The following VRK2 variants were observed in gnomAD, a reference collection of about 807,000 sequenced individuals.
VRK2 encodes VRK serine/threonine kinase 2, also known as serine/threonine-protein kinase VRK2.
VRK2 carries 60 observed loss-of-function variants against 57.6 expected under a neutral mutation model. The ratio of observed to expected loss-of-function variants is 1.04; its 90% CI spans 0.85 to 1.29. VRK2 has a LOEUF of 1.29. Ranked by LOEUF, VRK2 falls within the 50% of genes most tolerant of loss-of-function variation. The probability of loss-of-function intolerance (pLI) is 0.00; values close to 1 mark genes in which losing one functional copy is unlikely to be tolerated. For synonymous variants in VRK2, 231 were observed against 199.2 expected (o/e 1.16, Z -1.35); for missense variants, 705 against 588.1 (o/e 1.20, Z -2.06).
intron 1 of VRK2, among the ~76,000 whole-genome samples, chr2:57,952,271 C>T (rs1396008026): frequency 6.6e-6 from 1 of 152,008 alleles, no homozygotes; most frequent in Non-Finnish European, 1.5e-5. Context: ...ACCCACAACA[C>T]CTCCAAGGTA....
chr2:58,046,738 G>T, upstream of VRK2: 1 of 985,546 alleles, frequency 1.0e-6, no homozygotes, highest in Non-Finnish European at 1.2e-6. Context: ...AGTTAGGCAG[G>T]TCCTAGGGAG....
At chr2:57,942,876 T>C (rs934120207) in intron 1 of VRK2, among the ~76,000 whole-genome samples, 1 of 152,206 alleles carries the variant, frequency 6.6e-6, no homozygotes, top group African/African-American at 2.4e-5. Flanking sequence ...ATATCTCTTG[T>C]AGATCCATTA....
chr2:58,063,747 C>G (rs942014392), intron 2 of VRK2, among the ~76,000 whole-genome samples: 2 of 152,054 alleles, frequency 1.3e-5, no homozygotes, highest in African/African-American at 4.8e-5. Context: ...TTAAGAAATA[C>G]ATTTCGTAAG....
chr2:58,030,675 C>T (rs999548304), intron 2 of VRK2, among the ~76,000 whole-genome samples: 1 of 151,916 alleles, frequency 6.6e-6, no homozygotes, highest in Non-Finnish European at 1.5e-5. Context: ...TTTCATAATA[C>T]CCAGAGGTGG....
chr2:57,929,198 C>T (rs1351961299), intron 1 of VRK2, among the ~76,000 whole-genome samples: 1 of 152,214 alleles, frequency 6.6e-6, no homozygotes, highest in Admixed American at 6.5e-5. Flanking sequence ...GGAGCCAGGA[C>T]TTGGAGTCAA....
intron 1 of VRK2, among the ~76,000 whole-genome samples, chr2:58,023,298 G>A (rs74563533): frequency 0.069 from 10,535 of 152,162 alleles, 443 homozygotes; most frequent in Non-Finnish European, 0.094. Context: ...GTTGTAGTAC[G>A]TATCAGAATT....
rs1043505121 is a variant in VRK2 at position 58,021,117 on chromosome 2, T to C, written c.-438-4548T>C. Among the ~76,000 whole-genome samples the C allele has an allele frequency of 3.3e-5, 5 of 152,344 alleles. No individual in the cohort carries two copies. The East Asian group carries it at 5.8e-4, about 18-fold the overall frequency. The stretch of plus-strand genomic sequence containing the variant: ...ATTTTGGAAGAGCTAAACAGCTCTA[T>C]TGTGATATGAAAACATCTTCAACTA... On this transcript the variant is annotated intron_variant, in intron 1 of 15. Coordinates refer to the VRK2 transcript ENST00000417641.
intron 1 of VRK2, among the ~76,000 whole-genome samples, chr2:58,012,576 G>C (rs1047969028): frequency 6.6e-6 from 1 of 152,212 alleles, no homozygotes; most frequent in Non-Finnish European, 1.5e-5. Context: ...TGGGGGGATA[G>C]GGCTGAAAGT....
At chr2:58,086,769 T>C (rs921353480) in intron 5 of VRK2, among the ~76,000 whole-genome samples, 6 of 152,214 alleles carry the variant, frequency 3.9e-5, no homozygotes, top group African/African-American at 1.4e-4. Context: ...GCCTTCTTAC[T>C]TCCTGATCAT....
At chr2:58,086,687 C>A (rs899180091) in intron 5 of VRK2, among the ~76,000 whole-genome samples, 2 of 152,130 alleles carry the variant, frequency 1.3e-5, no homozygotes, top group African/African-American at 2.4e-5. Flanking sequence ...TATTTGTTTT[C>A]AGGGTTCCTC....
At chr2:58,125,532 T>C (rs1678209645) in intron 8 of VRK2, among the ~76,000 whole-genome samples, 1 of 152,066 alleles carries the variant, frequency 6.6e-6, no homozygotes, top group Non-Finnish European at 1.5e-5. Context: ...GGGAGGTATA[T>C]TCAGGGAAGA....
At chr2:58,086,778 A>G (rs1300511067) in intron 5 of VRK2, among the ~76,000 whole-genome samples, 1 of 152,196 alleles carries the variant, frequency 6.6e-6, no homozygotes. Context: ...CTTCCTGATC[A>G]TGTGGGTCTT....
chr2:58,059,797 A>G (rs1365602528), intron 2 of VRK2, among the ~76,000 whole-genome samples: 2 of 151,934 alleles, frequency 1.3e-5, no homozygotes, highest in South Asian at 2.1e-4. Flanking sequence ...AGCTATTACA[A>G]TGCAAGATTT....
At chr2:58,095,447 C>T (rs1034036632) in intron 7 of VRK2, among the ~76,000 whole-genome samples, 1 of 151,998 alleles carries the variant, frequency 6.6e-6, no homozygotes, top group East Asian at 1.9e-4. Context: ...TGCATTAGGT[C>T]ATTAGGATTA....
intron 1 of VRK2, among the ~76,000 whole-genome samples, chr2:58,000,090 C>T: frequency 6.6e-6 from 1 of 152,108 alleles, no homozygotes; most frequent in African/African-American, 2.4e-5. Context: ...CTAGCTTTTC[C>T]CCCATGCATT....
chr2:57,986,380 T>C (rs1262001279), intron 1 of VRK2, among the ~76,000 whole-genome samples: 2 of 152,128 alleles, frequency 1.3e-5, no homozygotes, highest in Non-Finnish European at 2.9e-5. Context: ...ACATTTCCAA[T>C]CAAAATTCCA....
chr2:58,107,824 ATGTTTTTCT>A (rs1380296385), intron 7 of VRK2, among the ~76,000 whole-genome samples: 1 of 152,058 alleles, frequency 6.6e-6, no homozygotes, highest in African/African-American at 2.4e-5. Flanking sequence ...CCAGCTCCAA[ATGTTTTTCT>A]CCCTGTCTTC....
chr2:57,924,865 T>A (rs1670479819), intron 1 of VRK2, among the ~76,000 whole-genome samples: 1 of 152,036 alleles, frequency 6.6e-6, no homozygotes, highest in Admixed American at 6.6e-5. Flanking sequence ...TTTATTATGT[T>A]AAGGTATGTT....
rs746169386 is a variant in VRK2, at chr2:58,146,434, A to G, written c.1142A>G (p.Glu381Gly). 9 of 1,611,568 alleles carry G rather than the reference A, an allele frequency of 5.6e-6. No individual in the cohort carries two copies. In the South Asian group the frequency reaches 8.8e-5, roughly 16 times the overall value. ...ESCATWKVQK[E>G]EKLIGLMNNE... Reference sequence around the variant, plus strand: ...TGTGCAACATGGAAAGTGCAGAAAGAGGAGAAACTGATTGGATTGATGAAC... The same window carrying G: ...TGTGCAACATGGAAAGTGCAGAAAGGGGAGAAACTGATTGGATTGATGAAC... The change falls in exon 12 of 13, where the codon GAG becomes GGG. Residue 381 changes from glutamate (E) to glycine (G), a missense_variant. Glu to Gly is a moderately conservative substitution (Grantham distance 98, BLOSUM62 -2). Transcript: ENST00000340157.
Sources: gnomAD v4.1 joint callset for allele counts (sites outside exome capture counted in the v4.1 genomes callset) on GRCh38, gnomAD v4.1.1 for gene constraint, MANE v1.5 for transcripts, NCBI Gene and HGNC (gene_info 2026-07-23, HGNC 2026-07-21) for gene names.